ANLN: variants seen among roughly 807,000 people sequenced by gnomAD.
The protein encoded by ANLN is anillin, actin binding protein.
In ANLN, 59 loss-of-function variants were observed where a neutral mutation model predicts 135.1. That is an observed-to-expected ratio of 0.44 (90% CI 0.35 to 0.54). ANLN has a LOEUF of 0.54. Among genes scored for constraint, ANLN ranks in the 20% least tolerant of loss-of-function variants. ANLN has a pLI of 0.00. For missense variants in ANLN, 1,182 were observed against 1,340.0 expected (o/e 0.88, Z 1.84); for synonymous variants, 406 against 456.4 (o/e 0.89, Z 1.41).
chr7:36,398,876 T>G (rs369123916), intron 2 of ANLN, among the ~76,000 whole-genome samples: 2 of 152,086 alleles, frequency 1.3e-5, no homozygotes, highest in South Asian at 4.1e-4. Flanking sequence ...TAATATAAAT[T>G]GTGTCTGCTT....
chr7:36,435,159 T>G (rs549754660), intron 20 of ANLN, among the ~76,000 whole-genome samples: 1 of 152,294 alleles, frequency 6.6e-6, no homozygotes, highest in East Asian at 1.9e-4. Context: ...TATAGACACC[T>G]TAAGTGTAGC....
At chr7:36,447,417 CTTTTTTTTTTT>C (rs978030270) in intron 22 of ANLN, among the ~76,000 whole-genome samples, 12 of 105,864 alleles carry the variant, frequency 1.1e-4, no homozygotes, top group African/African-American at 4.2e-4. Flanking sequence ...AGCAGTTGAT[CTTTTTTTTTTT>C]TTTTTTTTTT....
At chr7:36,440,483 T>C (rs1369690095) in intron 21 of ANLN, among the ~76,000 whole-genome samples, 1 of 152,134 alleles carries the variant, frequency 6.6e-6, no homozygotes, top group African/African-American at 2.4e-5. Context: ...GCTTGGAAAC[T>C]CTTGGAAACA....
intron 7 of ANLN, among the ~76,000 whole-genome samples, chr7:36,411,796 C>G (rs1030753507): frequency 6.6e-6 from 1 of 152,176 alleles, no homozygotes; most frequent in African/African-American, 2.4e-5. Flanking sequence ...TGTTTTTTAT[C>G]AGTTCACTTG....
intron 21 of ANLN, among the ~76,000 whole-genome samples, chr7:36,440,784 A>G (rs1230347014): frequency 2.6e-5 from 4 of 152,168 alleles, no homozygotes; most frequent in Non-Finnish European, 5.9e-5. Context: ...TCTCATTATC[A>G]GAGGAGGAAA....
In ANLN at chr7:36,423,810, C is replaced by A; in HGVS notation, c.2477-7C>A. ...TGCTTACTATGTAATATGATTACTT[C>A]TTACAGATGCAGCAAATTACTATTA... On this transcript the variant is annotated splice_region_variant and splice_polypyrimidine_tract_variant and intron_variant, in intron 14 of 23. Transcript: ENST00000265748. The A allele has an allele frequency of 6.2e-7, 1 of 1,606,620 alleles. No homozygotes were observed.
At chr7:36,449,858 A>G (rs1242078414) in intron 23 of ANLN, 21 bp downstream of exon 23, 2 of 1,604,906 alleles carry the variant, frequency 1.2e-6, no homozygotes, top group Non-Finnish European at 1.7e-6. Flanking sequence ...GCCTATAAAT[A>G]TTTCTATCAA....
intron 3 of ANLN, among the ~76,000 whole-genome samples, chr7:36,403,214 A>G (rs1038731284): frequency 3.3e-5 from 5 of 152,176 alleles, no homozygotes; most frequent in Admixed American, 2.0e-4. Context: ...CAGGAGACAA[A>G]CTCTAAGACC....
intron 3 of ANLN, among the ~76,000 whole-genome samples, chr7:36,404,066 G>T (rs1202609521): frequency 6.6e-6 from 1 of 152,140 alleles, no homozygotes; most frequent in African/African-American, 2.4e-5. Flanking sequence ...CGCCTCCTGG[G>T]TTCAAGCTAT....
intron 7 of ANLN, among the ~76,000 whole-genome samples, chr7:36,412,736 A>G (rs889142857): frequency 1.3e-5 from 2 of 152,114 alleles, no homozygotes; most frequent in Non-Finnish European, 2.9e-5. Flanking sequence ...GGCTTGACAT[A>G]TAGAATGATT....
chr7:36,410,531 C>T lies in ANLN; in HGVS notation c.1114C>T (p.Pro372Ser). The T allele has an allele frequency of 1.2e-6, 2 of 1,608,358 alleles. No individual in the cohort carries two copies. Among genetic ancestry groups the T allele is most frequent in the Non-Finnish European group, 1.7e-6 (2 of 1,177,894 alleles). The change falls in exon 6 of 24, where the codon CCT (proline) becomes TCT (serine). Residue 372 changes from proline to serine, a missense_variant. By Grantham distance (74) the Pro-to-Ser change is moderately conservative. Transcript: ENST00000265748. ...TTCTGTAGGAGGAACAGGAATTAAG[C>T]CTTTCCTGGAACGCTTTGGAGAGCG... ...STTPGGTGIKPFLERFGERCQ... is the reference protein window; with the variant it reads ...STTPGGTGIKSFLERFGERCQ...
At chr7:36,395,918 C>T (rs1370712285) in intron 1 of ANLN, among the ~76,000 whole-genome samples, 1 of 152,066 alleles carries the variant, frequency 6.6e-6, no homozygotes, top group Admixed American at 6.6e-5. Context: ...AAAAGTCTCA[C>T]AATATCACTT....
At chr7:36,422,051 T>C in intron 13 of ANLN, 59 bp downstream of exon 13, 1 of 1,564,988 alleles carries the variant, frequency 6.4e-7, no homozygotes, top group East Asian at 2.3e-5. Context: ...AAACTCATTT[T>C]GATATTTAGA....
chr7:36,449,932 G>T, intron 23 of ANLN, 95 bp downstream of exon 23: 2 of 1,226,032 alleles, frequency 1.6e-6, no homozygotes, highest in Non-Finnish European at 1.1e-6. Context: ...GGTCCTTGAC[G>T]TTGAAAAGGG....
At chr7:36,406,083 T>G in intron 3 of ANLN, 98 bp from the exon 4 acceptor site, 1 of 1,177,790 alleles carries the variant, frequency 8.5e-7, no homozygotes, top group Non-Finnish European at 1.2e-6. Flanking sequence ...TTAAACCTAT[T>G]AATCTCATTT....
intron 3 of ANLN, among the ~76,000 whole-genome samples, chr7:36,404,468 TAC>T (rs1454938450): frequency 6.6e-6 from 1 of 152,212 alleles, no homozygotes; most frequent in Non-Finnish European, 1.5e-5. Context: ...ACTAAGCACT[TAC>T]ACACACTGTG....
At chr7:36,422,558 T>C in intron 13 of ANLN, 75 bp from the exon 14 acceptor site, 1 of 1,318,504 alleles carries the variant, frequency 7.6e-7, no homozygotes, top group East Asian at 2.4e-5. Flanking sequence ...TCCATATCAG[T>C]ACACTTTTTT....
chr7:36,398,389 CAG>C (rs925842844), intron 2 of ANLN, among the ~76,000 whole-genome samples: 3 of 152,092 alleles, frequency 2.0e-5, no homozygotes, highest in African/African-American at 7.2e-5. Flanking sequence ...GTTTCAAAAA[CAG>C]AAAACCTGGT....
At chr7:36,416,049 T>G (rs950223312) in intron 8 of ANLN, among the ~76,000 whole-genome samples, 165 bp downstream of exon 8, 3 of 152,170 alleles carry the variant, frequency 2.0e-5, no homozygotes, top group African/African-American at 7.2e-5. Flanking sequence ...GATGGATTCT[T>G]GCCCTGTTGC....
Sources: allele counts gnomAD v4.1 joint callset (sites outside exome capture counted in the v4.1 genomes callset), GRCh38; gene constraint gnomAD v4.1.1; transcripts MANE v1.5; gene names NCBI Gene and HGNC (gene_info 2026-07-23, HGNC 2026-07-21).